Variants in NLRP4 observed in about 807,000 individuals in gnomAD.
The protein encoded by NLRP4 is NACHT, LRR and PYD domains-containing protein 4.
In NLRP4, 44 loss-of-function variants were observed where a neutral mutation model predicts 84.7. The ratio of observed to expected loss-of-function variants is 0.52; its 90% CI spans 0.41 to 0.67. The LOEUF is 0.67. Among genes scored for constraint, NLRP4 ranks in the 30% least tolerant of loss-of-function variants. The pLI, the probability that NLRP4 is intolerant of heterozygous loss-of-function variation, is 0.00. For synonymous variants in NLRP4, 544 were observed against 476.4 expected (o/e 1.14, Z -1.85); for missense variants, 1,260 against 1,219.4 (o/e 1.03, Z -0.50).
chr19:55,853,435 C>T (rs370480425), intron 2 of NLRP4, among the ~76,000 whole-genome samples: 1 of 152,332 alleles, frequency 6.6e-6, no homozygotes, highest in South Asian at 2.1e-4. Flanking sequence ...CTCTGTCACC[C>T]AGGGTGGAGT....
chr19:55,853,793 C>T (rs1984273983), intron 2 of NLRP4, among the ~76,000 whole-genome samples: 1 of 122,182 alleles, frequency 8.2e-6, no homozygotes, highest in South Asian at 2.5e-4. Flanking sequence ...GTCTCTCTTT[C>T]TCTCTCTCTC....
At chr19:55,843,896 C>T (rs1338881070) in intron 1 of NLRP4, among the ~76,000 whole-genome samples, 1 of 152,084 alleles carries the variant, frequency 6.6e-6, no homozygotes, top group African/African-American at 2.4e-5. Context: ...CATCCTTAGT[C>T]TCTTGTCCTC....
At chr19:55,863,257 C>A (rs1373947369) in intron 5 of NLRP4, among the ~76,000 whole-genome samples, 1 of 152,152 alleles carries the variant, frequency 6.6e-6, no homozygotes, top group Non-Finnish European at 1.5e-5. Flanking sequence ...ATGGACAAGG[C>A]TCTGGTGTTG....
chr19:55,867,749 C>T lies in NLRP4; in HGVS notation c.2227C>T (p.Leu743Phe). The T allele has an allele frequency of 6.2e-7, 1 of 1,614,096 alleles. No homozygotes were observed. Among genetic ancestry groups the T allele is most frequent in the Non-Finnish European group, 8.5e-7 (1 of 1,179,924 alleles). The change falls in exon 6 of 10, where the codon CTT (leucine) becomes TTT (phenylalanine). Residue 743 changes from leucine (L) to phenylalanine (F), a missense_variant. Leu to Phe is a conservative substitution (Grantham distance 22). Transcript: ENST00000301295. ...CHLSPIDCEV[L>F]AGLLTNNKKL... ...CCTCTCACCCATTGATTGTGAAGTC[C>T]TTGCTGGCCTTCTAACCAACAACAA...
At chr19:55,873,293 C>T (rs1208117676) in intron 7 of NLRP4, among the ~76,000 whole-genome samples, 3 of 151,840 alleles carry the variant, frequency 2.0e-5, no homozygotes, top group African/African-American at 7.3e-5. Context: ...AAATATACAA[C>T]AGCCATAACA....
intron 7 of NLRP4, among the ~76,000 whole-genome samples, chr19:55,874,227 A>C (rs2123063925): frequency 6.6e-6 from 1 of 152,344 alleles, no homozygotes; most frequent in East Asian, 1.9e-4. Flanking sequence ...AACTAATTTT[A>C]ATAATATAGT....
At chr19:55,847,717 T>C (rs1287850121) in intron 1 of NLRP4, among the ~76,000 whole-genome samples, 6 of 98,688 alleles carry the variant, frequency 6.1e-5, no homozygotes. Flanking sequence ...CCTAATATCC[T>C]TTTTTTTTTT....
chr19:55,876,537 T>G (rs1985379067), intron 7 of NLRP4, among the ~76,000 whole-genome samples: 1 of 151,846 alleles, frequency 6.6e-6, no homozygotes. Context: ...TTTTGTGTTT[T>G]TTTTAGTAGA....
intron 2 of NLRP4, 142 bp downstream of exon 2, chr19:55,852,502 C>T (rs1984206633): frequency 1.5e-5 from 8 of 544,862 alleles, no homozygotes; most frequent in Admixed American, 4.4e-5. Flanking sequence ...TTTTGGTAGA[C>T]GGAGTCGCAC....
chr19:55,858,215 C>A lies in NLRP4; in HGVS notation c.822C>A (p.Ser274=), dbSNP rs750931294. 8 of 1,614,128 alleles carry A rather than the reference C, an allele frequency of 5.0e-6. No homozygotes were observed. The Admixed American group carries it at 1.3e-4, about 27-fold the overall frequency. The part of the protein sequence containing the change: ...LLRKKMLPEA[S]LLIAIKPVCP... Reference sequence around the variant, plus strand: ...GGAAGAAGATGCTCCCGGAGGCCTCCCTGCTCATCGCTATCAAACCCGTGT... The same window carrying A: ...GGAAGAAGATGCTCCCGGAGGCCTCACTGCTCATCGCTATCAAACCCGTGT... The change falls in exon 3 of 10, where the codon TCC becomes TCA. Residue 274 remains serine, a synonymous_variant. Transcript: ENST00000301295. The surrounding 1 kb of genome is among the most constrained non-coding windows in gnomAD (Gnocchi z 4.2).
intron 1 of NLRP4, among the ~76,000 whole-genome samples, chr19:55,838,634 AAT>A (rs763541408): frequency 6.6e-6 from 1 of 152,142 alleles, no homozygotes; most frequent in East Asian, 1.9e-4. Context: ...CAGCTTCAAG[AAT>A]ATATCCTTAG....
At chr19:55,868,885 A>C (rs1342624322) in intron 6 of NLRP4, among the ~76,000 whole-genome samples, 1 of 152,210 alleles carries the variant, frequency 6.6e-6, no homozygotes, top group Non-Finnish European at 1.5e-5. Flanking sequence ...ACATGAAAGT[A>C]AGAGTATTCT....
chr19:55,868,128 T>C (rs1194467922), intron 6 of NLRP4, among the ~76,000 whole-genome samples: 1 of 152,238 alleles, frequency 6.6e-6, no homozygotes, highest in East Asian at 1.9e-4. Flanking sequence ...AGTGAGACTG[T>C]CTATACAGAA....
At chr19:55,839,011 A>C (rs552103840) in intron 1 of NLRP4, among the ~76,000 whole-genome samples, 2 of 150,608 alleles carry the variant, frequency 1.3e-5, no homozygotes, top group Admixed American at 1.3e-4. Context: ...CTGAATGTGC[A>C]GGTTTGTTAC....
At chr19:55,864,188 C>T (rs1397398702) in intron 5 of NLRP4, among the ~76,000 whole-genome samples, 7 of 152,078 alleles carry the variant, frequency 4.6e-5, no homozygotes, top group Admixed American at 4.6e-4. Flanking sequence ...TTCTCATTAC[C>T]TCAGAAAGAA....
At chr19:55,859,360 C>G in intron 3 of NLRP4, 111 bp downstream of exon 3, 1 of 866,294 alleles carries the variant, frequency 1.2e-6, no homozygotes, top group African/African-American at 1.7e-5. Context: ...CTCATTTTTT[C>G]TGCCACAAAA....
chr19:55,848,549 AC>A (rs1983889787), intron 1 of NLRP4, among the ~76,000 whole-genome samples: 1 of 151,968 alleles, frequency 6.6e-6, no homozygotes, highest in Non-Finnish European at 1.5e-5. Context: ...GATTACAGGT[AC>A]CCACCACCAC....
chr19:55,867,177 CAT>C (rs1341642761), intron 5 of NLRP4, among the ~76,000 whole-genome samples: 9 of 150,648 alleles, frequency 6.0e-5, no homozygotes, highest in Non-Finnish European at 5.9e-5. Context: ...GCCAAGCATG[CAT>C]ATAACTGAGA....
Position 55,878,948 on chromosome 19 carries a change from G to T in NLRP4, c.2851G>T (p.Ala951Ser), listed in dbSNP as rs774237506. 3.7e-6 allele frequency: 6 copies of T among 1,613,260 alleles called. No individual in the cohort carries two copies. Among genetic ancestry groups the T allele is most frequent in the South Asian group, 3.3e-5 (3 of 90,982 alleles). Reference protein sequence around the residue: ...LCEALRHPECALQVLGLRKTD... With the variant: ...LCEALRHPECSLQVLGLRKTD... Reference sequence around the variant, plus strand: ...TGAGGCCCTGAGACACCCAGAGTGTGCCCTGCAGGTGCTCGGGTGAGCTGG... The same window carrying T: ...TGAGGCCCTGAGACACCCAGAGTGTTCCCTGCAGGTGCTCGGGTGAGCTGG... The change falls in exon 9 of 10, where the codon GCC becomes TCC. Residue 951 changes from alanine to serine, a missense_variant. Ala to Ser is a moderately conservative substitution (Grantham distance 99). This residue lies in a region of NLRP4 where 544 missense variants were observed against 531.7 expected (regional missense o/e 1.02). Coordinates refer to ENST00000301295, the MANE Select transcript of NLRP4 (RefSeq NM_134444.5).
Sources: allele counts gnomAD v4.1 joint callset (sites outside exome capture counted in the v4.1 genomes callset), GRCh38; gene constraint gnomAD v4.1.1; regional missense constraint gnomAD v4.1.1; non-coding constraint Gnocchi (gnomAD v3.1); transcripts MANE v1.5; gene names NCBI Gene and HGNC (gene_info 2026-07-23, HGNC 2026-07-21).